The following ZNF778 variants were observed in gnomAD, a reference collection of about 807,000 sequenced individuals.
ZNF778 encodes zinc finger protein 778.
Under a neutral mutation model 23.9 loss-of-function variants are expected in ZNF778, and 37 were observed. That is an observed-to-expected ratio of 1.54 (90% CI 1.19 to 2.03). The LOEUF is 2.03. Ranked by LOEUF, ZNF778 falls within the 30% of genes most tolerant of loss-of-function variation. ZNF778 has a pLI of 0.00. For synonymous variants in ZNF778, 483 were observed against 343.9 expected (o/e 1.40, Z -4.48); for missense variants, 1,297 against 934.4 (o/e 1.39, Z -5.06).
chr16:89,222,884 C>A (rs571330136), intron 3 of ZNF778, among the ~76,000 whole-genome samples: 2 of 142,882 alleles, frequency 1.4e-5, no homozygotes, highest in Non-Finnish European at 3.1e-5. Context: ...GGTGTCGTTG[C>A]GGCCGTGTGA....
intron 2 of ZNF778, 26 bp from the exon 3 acceptor site, chr16:89,222,066 G>T (rs1410558384): frequency 6.5e-7 from 1 of 1,549,646 alleles, no homozygotes; most frequent in South Asian, 1.2e-5. Context: ...GGGTTCTCAT[G>T]CCTTCTTGCC....
rs767769617 is a variant in ZNF778, at chr16:89,224,784, C to T, written c.310C>T (p.Arg104Trp). The part of the protein sequence containing the change: ...LEQEEELRAG[R>W]RAVLQEWRLK... Reference sequence around the variant, plus strand: ...GCAGGAAGAGGAGTTGAGGGCAGGGCGGAGAGCAGTTCTCCAAGGTAAGTG... The same window carrying T: ...GCAGGAAGAGGAGTTGAGGGCAGGGTGGAGAGCAGTTCTCCAAGGTAAGTG... Residue 104 changes from arginine to tryptophan, a missense_variant, in exon 5 of 7, where the codon CGG becomes TGG. Arg to Trp is a moderately radical substitution (Grantham distance 101). Coordinates refer to ENST00000433976, the MANE Select transcript of ZNF778 (RefSeq NM_001201407.2). The T allele has an allele frequency of 3.1e-5, 47 of 1,496,206 alleles. No homozygotes were observed. The highest frequency in any genetic ancestry group is 3.6e-5 in the Non-Finnish European group (41 of 1,128,728). 92.7% of individuals were successfully genotyped at this position (1,496,206 alleles called of 1,614,324 possible).
Position 89,236,038 on chromosome 16 carries a change from G to A in ZNF778, c.*7476G>A, listed in dbSNP as rs8044374. ...GAAAAATACAAAAATTTAGTTGGGC[G>A]TGGTGGCGGGCGACTGCAGTCCCAG... On this transcript the variant is annotated 3_prime_UTR_variant, in exon 7 of 7. Transcript: ENST00000433976. The A allele has an allele frequency of 0.083, 12,610 of 151,548 alleles. 1,081 individuals are homozygous for A. Among genetic ancestry groups the A allele is most frequent in the African/African-American group, 0.21 (8,480 of 41,074 alleles). 9.4% of individuals were successfully genotyped at this position (151,548 alleles called of 1,614,324 possible).
At chr16:89,222,276 A>G in intron 3 of ZNF778, 93 bp downstream of exon 3, 1 of 935,402 alleles carries the variant, frequency 1.1e-6, no homozygotes, top group Non-Finnish European at 1.5e-6. Context: ...GCACAGCCTC[A>G]CTCAAGGACC....
intron 2 of ZNF778, among the ~76,000 whole-genome samples, chr16:89,221,475 C>T (rs2030935533): frequency 6.6e-6 from 1 of 152,124 alleles, no homozygotes; most frequent in Admixed American, 6.6e-5. Flanking sequence ...TTTGTGTCAC[C>T]AGGCGAAACA....
In ZNF778 at chr16:89,223,301, C is replaced by G. The variant is rs1439120252; in HGVS notation, c.244+18C>G. ...CTCAGTAGGTGAGGCTGCCACCGTC[C>G]TTTGCAACTTCTGTGGAACCAATAC... On this transcript the variant is annotated intron_variant, in intron 4 of 6. Coordinates refer to ENST00000433976, the MANE Select transcript of ZNF778 (RefSeq NM_001201407.2). 1 of 1,613,224 alleles carries G rather than the reference C, an allele frequency of 6.2e-7. No homozygotes were observed. Among genetic ancestry groups the G allele is most frequent in the African/African-American group, 1.3e-5 (1 of 74,956 alleles).
chr16:89,228,809 G>T lies in ZNF778; in HGVS notation c.*247G>T. The T allele has an allele frequency of 8.0e-7, 1 of 1,246,164 alleles. No homozygotes were observed. The highest frequency in any genetic ancestry group is 2.5e-5 in the South Asian group (1 of 39,498). 77.2% of individuals were successfully genotyped at this position (1,246,164 alleles called of 1,614,324 possible). A position where few individuals can be genotyped will look rare whatever the true frequency, so the allele number is the denominator to read the frequency against. On this transcript the variant is annotated 3_prime_UTR_variant, in exon 7 of 7. Coordinates refer to ENST00000433976, the MANE Select transcript of ZNF778 (RefSeq NM_001201407.2). Reference sequence around the variant, plus strand: ...AGAGAACTCTATTGATGTGTGATATGCAGCAGCATTGTTGCTGTTCTGCTC... The same window carrying T: ...AGAGAACTCTATTGATGTGTGATATTCAGCAGCATTGTTGCTGTTCTGCTC...
rs532208293 is a variant in ZNF778, at chr16:89,236,508, C to G, written c.*7946C>G. 1 of 152,076 alleles carries G rather than the reference C, an allele frequency of 6.6e-6. No individual in the cohort carries two copies. The highest frequency in any genetic ancestry group is 6.5e-5 in the Admixed American group (1 of 15,268). The allele number at this position is 152,076 out of a possible 1,614,324, so 9.4% of individuals were successfully genotyped here. On this transcript the variant is annotated 3_prime_UTR_variant, in exon 7 of 7. Transcript: ENST00000433976. ...GGTTACAGAAAACTCTTAAGGAAAC[C>G]TGGAACAAAGGAAAAGCAATAGAAG...
rs912903127 is a variant in ZNF778, at chr16:89,236,090, T to A, written c.*7528T>A. On this transcript the variant is annotated 3_prime_UTR_variant, in exon 7 of 7. Transcript: ENST00000433976. The stretch of plus-strand genomic sequence containing the variant: ...TACTGGGGAGGCTGAGGCAGGAGAA[T>A]GGCGTGAACCCGGGAGGCAGAGCAT... 6 of 151,760 alleles carry A rather than the reference T, an allele frequency of 4.0e-5. No individual in the cohort carries two copies. The highest frequency in any genetic ancestry group is 1.5e-4 in the African/African-American group (6 of 41,310). The allele number at this position is 151,760 out of a possible 1,614,324, so 9.4% of individuals were successfully genotyped here.
In ZNF778 at chr16:89,236,093, C is replaced by T. The variant is rs1471533369; in HGVS notation, c.*7531C>T. On this transcript the variant is annotated 3_prime_UTR_variant, in exon 7 of 7. Coordinates refer to ENST00000433976, the MANE Select transcript of ZNF778 (RefSeq NM_001201407.2). ...TGGGGAGGCTGAGGCAGGAGAATGG[C>T]GTGAACCCGGGAGGCAGAGCATGCA... 6.6e-6 allele frequency: 1 copy of T among 152,002 alleles called. No individual in the cohort carries two copies. Among genetic ancestry groups the T allele is most frequent in the African/African-American group, 2.4e-5 (1 of 41,320 alleles). The allele number at this position is 152,002 out of a possible 1,614,324, so 9.4% of individuals were successfully genotyped here.
chr16:89,223,915 C>A (rs113738878), intron 4 of ZNF778, among the ~76,000 whole-genome samples: 1 of 152,030 alleles, frequency 6.6e-6, no homozygotes, highest in Non-Finnish European at 1.5e-5. Flanking sequence ...CGCGGTGGCT[C>A]ATGCCTGTAA....
In ZNF778 at chr16:89,227,509, C is replaced by A; in HGVS notation, c.1221C>A (p.Cys407Ter). Residue 407 changes from cysteine to a stop codon, truncating the protein, a stop_gained, in exon 7 of 7, where the codon TGC (cysteine) becomes TGA (stop). Coordinates refer to ENST00000433976, the MANE Select transcript of ZNF778 (RefSeq NM_001201407.2). LOFTEE classifies it low-confidence loss of function (END_TRUNC). ...VCGKYFRNSS[C>*]LNNHVRIHTG... Reference sequence around the variant, plus strand: ...GAAAATATTTTAGAAATTCCTCATGCCTTAATAATCATGTTCGAATTCACA... The same window carrying A: ...GAAAATATTTTAGAAATTCCTCATGACTTAATAATCATGTTCGAATTCACA... 5 of 1,613,876 alleles carry A rather than the reference C, an allele frequency of 3.1e-6. No individual in the cohort carries two copies. Among genetic ancestry groups the A allele is most frequent in the Non-Finnish European group, 4.2e-6 (5 of 1,179,934 alleles).
At chr16:89,224,848 T>G in intron 5 of ZNF778, 46 bp downstream of exon 5, 3 of 1,328,750 alleles carry the variant, frequency 2.3e-6, no homozygotes, top group South Asian at 1.2e-5. Flanking sequence ...TTAGCAGCTG[T>G]GGGAGGATCC....
rs377516187 is a variant in ZNF778, at chr16:89,227,142, A to C, written c.854A>C (p.Glu285Ala). ...HAVRNPHVCRECGKAFRYTAY... is the reference protein window; with the variant it reads ...HAVRNPHVCRACGKAFRYTAY... ...GTCAGGAATCCCCACGTATGTAGGG[A>C]ATGTGGGAAGGCCTTTAGGTACACT... is the stretch of plus-strand genomic sequence containing the variant. Residue 285 changes from glutamate to alanine, a missense_variant, in exon 7 of 7, where the codon GAA becomes GCA. Physicochemically the swap from Glu to Ala is moderately radical, Grantham distance 107 (BLOSUM62 -1). Coordinates refer to ENST00000433976, the MANE Select transcript of ZNF778 (RefSeq NM_001201407.2). The C allele has an allele frequency of 1.4e-4, 222 of 1,613,992 alleles. No individual in the cohort carries two copies. The Middle Eastern group carries it at 3.0e-3, about 22-fold the overall frequency.
rs779731237 is a variant in ZNF778, at chr16:89,227,039, G to T, written c.751G>T (p.Glu251Ter). The change falls in exon 7 of 7, where the codon GAA (glutamate) becomes TAA (stop). Residue 251 changes from glutamate (E) to a stop codon, truncating the protein, a stop_gained. Transcript: ENST00000433976. LOFTEE classifies it low-confidence loss of function (END_TRUNC). ...QARAGSHNGEETWKWKPCGKA... is the reference protein window; with the variant it reads ...QARAGSHNGE ...ACGTGCGGGAAGTCACAACGGAGAA[G>T]AAACATGGAAATGGAAGCCGTGTGG... 1.9e-6 allele frequency: 3 copies of T among 1,613,970 alleles called. No individual in the cohort carries two copies. Among genetic ancestry groups the T allele is most frequent in the Non-Finnish European group, 2.5e-6 (3 of 1,179,896 alleles).
rs1207854928 is a variant in ZNF778 at position 89,221,163 on chromosome 16, G to T, written c.25+11G>T. The T allele has an allele frequency of 6.4e-7, 1 of 1,558,674 alleles. No individual in the cohort carries two copies. The highest frequency in any genetic ancestry group is 2.4e-5 in the East Asian group (1 of 41,606). The stretch of plus-strand genomic sequence containing the variant: ...CTGACCTGGCCCACGGTAAGTCCTG[G>T]TGGGGCTCCTTCTCAGAGCCTCTGC... On this transcript the variant is annotated intron_variant, in intron 2 of 6. Coordinates refer to ENST00000433976, the MANE Select transcript of ZNF778 (RefSeq NM_001201407.2).
Position 89,230,256 on chromosome 16 carries a change from C to T in ZNF778, c.*1694C>T, listed in dbSNP as rs547527793. On this transcript the variant is annotated 3_prime_UTR_variant, in exon 7 of 7. Coordinates refer to ENST00000433976, the MANE Select transcript of ZNF778 (RefSeq NM_001201407.2). The stretch of plus-strand genomic sequence containing the variant: ...GGGGCGAGGTCTGTACCCTGAGATG[C>T]CCCCGTTTCATGGCCGTGGAGGGAG... 1.3e-4 allele frequency: 26 copies of T among 192,908 alleles called. No individual in the cohort carries two copies. The highest frequency in any genetic ancestry group is 5.4e-4 in the African/African-American group (23 of 42,260). The allele number at this position is 192,908 out of a possible 1,614,324, so 11.9% of individuals were successfully genotyped here. A position where few individuals can be genotyped will look rare whatever the true frequency, so the allele number is the denominator to read the frequency against.
rs1475976446 is a variant in ZNF778, at chr16:89,231,746, C to T, written c.*3184C>T. ...TAATTGATACCAAAATGTTTTGTTT[C>T]ACCAGGAGGTGCCCGCCTCCTATCA... On this transcript the variant is annotated 3_prime_UTR_variant, in exon 7 of 7. Coordinates refer to ENST00000433976, the MANE Select transcript of ZNF778 (RefSeq NM_001201407.2). The T allele has an allele frequency of 6.6e-6, 1 of 152,242 alleles. No individual in the cohort carries two copies. Among genetic ancestry groups the T allele is most frequent in the African/African-American group, 2.4e-5 (1 of 41,522 alleles). 9.4% of individuals were successfully genotyped at this position (152,242 alleles called of 1,614,324 possible). A position where few individuals can be genotyped will look rare whatever the true frequency, so the allele number is the denominator to read the frequency against.
chr16:89,226,924 TG>T lies in ZNF778; in HGVS notation c.637del (p.Val213LeufsTer50). The T allele has an allele frequency of 1.2e-6, 2 of 1,614,010 alleles. No homozygotes were observed. ...GAAAAGCCTTCAGCTCTACTCCAAATGTTGTTTCCCAGCAAGCATGCACTCG... is the reference window on the plus strand; with the variant it reads ...GAAAAGCCTTCAGCTCTACTCCAAATTTGTTTCCCAGCAAGCATGCACTCG... ...CGKAFSSTPN[V>X]VSQQACTRDR... On this transcript the variant is annotated frameshift_variant, in exon 7 of 7. Coordinates refer to ENST00000433976, the MANE Select transcript of ZNF778 (RefSeq NM_001201407.2). LOFTEE classifies it low-confidence loss of function (END_TRUNC).
Sources: gnomAD v4.1 joint callset for allele counts (sites outside exome capture counted in the v4.1 genomes callset) on GRCh38, gnomAD v4.1.1 for gene constraint, MANE v1.5 for transcripts, NCBI Gene and HGNC (gene_info 2026-07-23, HGNC 2026-07-21) for gene names.